Variants in PVALEF observed in about 807,000 individuals in gnomAD.
PVALEF encodes parvalbumin like EF-hand containing, also known as parvalbumin-like EF-hand-containing protein.
In PVALEF, 2 loss-of-function variants were observed where a neutral mutation model predicts 1.2. The ratio of observed to expected loss-of-function variants is 1.68; its 90% CI spans 0.69 to 5.28. PVALEF has a LOEUF of 5.28. PVALEF is among the 30% of genes most tolerant of loss of function. PVALEF has a pLI of 0.06. For missense variants in PVALEF, 35 were observed against 17.7 expected, an observed-to-expected ratio of 1.97 and a Z score of -1.75; for synonymous variants, 16 against 6.5, an observed-to-expected ratio of 2.47 and a Z score of -2.24.
chr17:81,165,823 C>T, intron 1 of PVALEF, 76 bp downstream of exon 1: 1 of 1,507,770 alleles, frequency 6.6e-7, no homozygotes, highest in Non-Finnish European at 8.9e-7. Context: ...TGCTGCTGGG[C>T]TCGGGGCGGG....
intron 1 of PVALEF, 132 bp downstream of exon 1, chr17:81,165,879 G>T: frequency 2.6e-6 from 4 of 1,548,618 alleles, no homozygotes; most frequent in Non-Finnish European, 1.7e-6. Flanking sequence ...GGGCCCAGGG[G>T]CATCACGTCC....
chr17:81,165,869 G>C, intron 1 of PVALEF, 122 bp downstream of exon 1: 8 of 1,536,446 alleles, frequency 5.2e-6, no homozygotes, highest in Non-Finnish European at 7.0e-6. Flanking sequence ...GGGAGCCGTG[G>C]GGCCCAGGGG....
chr17:81,172,301 C>T lies in PVALEF; in HGVS notation c.-340+5457C>T, dbSNP rs551691029. On this transcript the variant is annotated intron_variant, in intron 2 of 6. Coordinates refer to ENST00000637878, the MANE Select transcript of PVALEF (RefSeq NM_001354639.2). Reference sequence around the variant, plus strand: ...ACAGTGGGAAAGCTTTAGGGTGAACCCCACACAGAAGAATATGGCAGGACC... The same window carrying T: ...ACAGTGGGAAAGCTTTAGGGTGAACTCCACACAGAAGAATATGGCAGGACC... Among the ~76,000 whole-genome samples, 9 of 152,312 alleles carry T rather than the reference C, an allele frequency of 5.9e-5. No individual in the cohort carries two copies. The South Asian group carries it at 1.7e-3, about 28-fold the overall frequency.
Position 81,183,111 on chromosome 17 carries a change from C to T in PVALEF, c.*100C>T, listed in dbSNP as rs551278688. On this transcript the variant is annotated 3_prime_UTR_variant, in exon 7 of 7. Coordinates refer to ENST00000637878, the MANE Select transcript of PVALEF (RefSeq NM_001354639.2). Reference sequence around the variant, plus strand: ...GTTGGGGCCGGTAAGAGGCGGCAGCCGTGAGGGTGGACCCAGCTTTTGAAG... The same window carrying T: ...GTTGGGGCCGGTAAGAGGCGGCAGCTGTGAGGGTGGACCCAGCTTTTGAAG... The T allele has an allele frequency of 2.5e-6, 1 of 398,470 alleles. No individual in the cohort carries two copies. Among genetic ancestry groups the T allele is most frequent in the South Asian group, 1.3e-4 (1 of 7,834 alleles). The allele number at this position is 398,470 out of a possible 1,614,324, so 24.7% of individuals were successfully genotyped here.
At chr17:81,168,499 G>A (rs1022122873) in intron 2 of PVALEF, among the ~76,000 whole-genome samples, 2 of 152,204 alleles carry the variant, frequency 1.3e-5, no homozygotes, top group African/African-American at 2.4e-5. Flanking sequence ...TCCACTGACC[G>A]TGACCCTAGT....
intron 2 of PVALEF, among the ~76,000 whole-genome samples, chr17:81,178,351 C>T (rs2061542350): frequency 6.6e-6 from 1 of 152,162 alleles, no homozygotes; most frequent in Non-Finnish European, 1.5e-5. Flanking sequence ...CTGCGGTGCC[C>T]AGCATGACCA....
chr17:81,180,204 C>T (rs1179075893), intron 3 of PVALEF, among the ~76,000 whole-genome samples: 2 of 152,172 alleles, frequency 1.3e-5, no homozygotes, highest in Non-Finnish European at 2.9e-5. Flanking sequence ...CCAGGGGCAC[C>T]CCCAGCACTG....
chr17:81,171,491 C>T (rs1429742671), intron 2 of PVALEF, among the ~76,000 whole-genome samples: 2 of 152,138 alleles, frequency 1.3e-5, no homozygotes, highest in Non-Finnish European at 2.9e-5. Flanking sequence ...TTTCCCACTC[C>T]ACATATTTCC....
chr17:81,170,609 G>C (rs1205962193), intron 2 of PVALEF, among the ~76,000 whole-genome samples: 1 of 152,120 alleles, frequency 6.6e-6, no homozygotes, highest in Non-Finnish European at 1.5e-5. Flanking sequence ...GCAGCTGTCA[G>C]GACAAGGTCA....
chr17:81,169,733 CGT>C, intron 2 of PVALEF, among the ~76,000 whole-genome samples: 1 of 143,632 alleles, frequency 7.0e-6, no homozygotes, highest in East Asian at 1.9e-4. Flanking sequence ...TAGTCGTGTG[CGT>C]GTGTGTGTAC....
At position 81,178,926 on chromosome 17, in the gene PVALEF, A is replaced by G; in HGVS notation, c.-331A>G. The G allele has an allele frequency of 4.4e-6, 1 of 224,790 alleles. No individual in the cohort carries two copies. Among genetic ancestry groups the G allele is most frequent in the South Asian group, 4.0e-5 (1 of 25,032 alleles). The allele number at this position is 224,790 out of a possible 1,614,324, so 13.9% of individuals were successfully genotyped here. The stretch of plus-strand genomic sequence containing the variant: ...CCCTAACCCCGCCCCAGGTTTGGGG[A>G]GGCCAGGCACTGCTAAGGGTCAGTC... On this transcript the variant is annotated 5_prime_UTR_variant, in exon 3 of 7. Transcript: ENST00000637878.
At chr17:81,172,839 C>T (rs1333157673) in intron 2 of PVALEF, among the ~76,000 whole-genome samples, 2 of 152,098 alleles carry the variant, frequency 1.3e-5, no homozygotes, top group South Asian at 2.1e-4. Context: ...CATCTCCCAT[C>T]GTAACTGCAG....
In PVALEF at chr17:81,179,141, A is replaced by T. The variant is rs911140221; in HGVS notation, c.-116A>T. 1.3e-5 allele frequency: 5 copies of T among 377,126 alleles called. No individual in the cohort carries two copies. The highest frequency in any genetic ancestry group is 3.0e-5 in the Admixed American group (1 of 33,196). The allele number at this position is 377,126 out of a possible 1,614,324, so 23.4% of individuals were successfully genotyped here. A position where few individuals can be genotyped will look rare whatever the true frequency, so the allele number is the denominator to read the frequency against. On this transcript the variant is annotated 5_prime_UTR_variant, in exon 3 of 7. It adds an upstream start codon to the 5' untranslated region. Transcript: ENST00000637878. ...CCCACCTTCCAGAACTCTCGAAAGA[A>T]GCCAGGCAGAGGTAAGCCCTGCCAA... is the stretch of plus-strand genomic sequence containing the variant.
rs1033615835 is a variant in PVALEF at position 81,178,777 on chromosome 17, C to T, written c.-339-141C>T. 6.9e-5 allele frequency: 12 copies of T among 174,304 alleles called. 1 individual carries two copies. In the South Asian group the frequency reaches 8.8e-4, roughly 13 times the overall value. 10.8% of individuals were successfully genotyped at this position (174,304 alleles called of 1,614,324 possible). ...AACCCGCTGCACTGGAGGCCCGAGGCGTGGGTTCCAGCACCATGACCTTGG... is the reference window on the plus strand; with the variant it reads ...AACCCGCTGCACTGGAGGCCCGAGGTGTGGGTTCCAGCACCATGACCTTGG... On this transcript the variant is annotated intron_variant, in intron 2 of 6. Coordinates refer to ENST00000637878, the MANE Select transcript of PVALEF (RefSeq NM_001354639.2).
intron 1 of PVALEF, among the ~76,000 whole-genome samples, chr17:81,166,446 G>A (rs1464618062): frequency 8.9e-6 from 1 of 112,824 alleles, no homozygotes; most frequent in Non-Finnish European, 1.9e-5. Context: ...CGGAGTGGGG[G>A]GATGGTCCGG....
intron 2 of PVALEF, among the ~76,000 whole-genome samples, chr17:81,178,345 G>A (rs529003149): frequency 8.5e-5 from 13 of 152,214 alleles, no homozygotes; most frequent in African/African-American, 2.6e-4. Flanking sequence ...ACAGGCCTGC[G>A]GTGCCCAGCA....
At chr17:81,166,309 G>C (rs2061490883) in intron 1 of PVALEF, among the ~76,000 whole-genome samples, 1 of 97,686 alleles carries the variant, frequency 1.0e-5, no homozygotes, top group African/African-American at 4.0e-5. Flanking sequence ...GCACGGAGAG[G>C]GGGACACGGA....
At position 81,172,148 on chromosome 17, in the gene PVALEF, G is replaced by A. The variant is rs540579555; in HGVS notation, c.-340+5304G>A. ...ACATGCCTTTCTACAGCTGAGTTAC[G>A]TTCCATTGTGTGGACGGACTGCAGT... On this transcript the variant is annotated intron_variant, in intron 2 of 6. Coordinates refer to ENST00000637878, the MANE Select transcript of PVALEF (RefSeq NM_001354639.2). Among the ~76,000 whole-genome samples the A allele has an allele frequency of 9.3e-4, 142 of 152,306 alleles. 3 individuals are homozygous for A. In the South Asian group the frequency reaches 0.028, roughly 30 times the overall value.
intron 1 of PVALEF, among the ~76,000 whole-genome samples, chr17:81,166,441 T>A (rs564089549): frequency 2.0e-5 from 1 of 50,370 alleles, no homozygotes; most frequent in Admixed American, 2.7e-4. Flanking sequence ...TGGCACGGAG[T>A]GGGGGGATGG....
Sources: allele counts gnomAD v4.1 joint callset (sites outside exome capture counted in the v4.1 genomes callset), GRCh38; gene constraint gnomAD v4.1.1; transcripts MANE v1.5; gene names NCBI Gene and HGNC (gene_info 2026-07-23, HGNC 2026-07-21).